The following ZNF107 variants were observed in gnomAD, a reference collection of about 807,000 sequenced individuals.
ZNF107 encodes C2H2 type zinc-finger protein.
In ZNF107, 19 loss-of-function variants were observed where a neutral mutation model predicts 12.3. The observed-to-expected ratio is 1.55, with a 90% CI of 1.08 to 2.27. The LOEUF (loss-of-function observed/expected upper bound fraction) is 2.27. Ranked by LOEUF, ZNF107 falls within the 30% of genes most tolerant of loss-of-function variation. The pLI is 0.00. For synonymous variants in ZNF107, 317 were observed against 330.5 expected (o/e 0.96, Z 0.44); for missense variants, 958 against 979.9 (o/e 0.98, Z 0.30).
At chr7:64,700,102 G>A (rs1311199937) in intron 3 of ZNF107, among the ~76,000 whole-genome samples, 2 of 146,722 alleles carry the variant, frequency 1.4e-5, no homozygotes, top group Non-Finnish European at 3.0e-5. Flanking sequence ...TCTTGCTTTT[G>A]ACTGAAAAGT....
intron 1 of ZNF107, chr7:64,689,572 G>C (rs1257264512): frequency 1.3e-5 from 2 of 152,470 alleles, no homozygotes; most frequent in African/African-American, 2.4e-5. Context: ...TACTGGACTA[G>C]AGTATTTTTT....
chr7:64,699,262 ATTAAATTTTTT>A (rs1485688911), intron 3 of ZNF107, among the ~76,000 whole-genome samples: 1 of 152,208 alleles, frequency 6.6e-6, no homozygotes, highest in East Asian at 1.9e-4. Flanking sequence ...TCTTTTAAAA[ATTAAATTTTTT>A]TACCCTTGAG....
At chr7:64,694,616 C>G (rs979638667) in intron 3 of ZNF107, among the ~76,000 whole-genome samples, 1 of 151,592 alleles carries the variant, frequency 6.6e-6, no homozygotes, top group African/African-American at 2.4e-5. Context: ...GTTCTTCAAC[C>G]TGAATATACC....
intron 3 of ZNF107, among the ~76,000 whole-genome samples, chr7:64,701,801 T>C (rs1245991856): frequency 6.6e-6 from 1 of 151,934 alleles, no homozygotes; most frequent in Non-Finnish European, 1.5e-5. Context: ...TTGTATTTTT[T>C]GTAGAGACAG....
chr7:64,699,816 C>A (rs538356901), intron 3 of ZNF107, among the ~76,000 whole-genome samples: 43 of 152,204 alleles, frequency 2.8e-4, no homozygotes, highest in Admixed American at 1.2e-3. Flanking sequence ...CGCCTGTAAT[C>A]CCAGCACTTT....
chr7:64,697,071 G>A (rs58228036), intron 3 of ZNF107, among the ~76,000 whole-genome samples: 1,613 of 151,168 alleles, frequency 0.011, 34 homozygotes, highest in African/African-American at 0.037. Flanking sequence ...TGCAGTGTTT[G>A]GTTTTTTGTC....
chr7:64,697,722 G>A (rs1029227394), intron 3 of ZNF107, among the ~76,000 whole-genome samples: 5 of 143,972 alleles, frequency 3.5e-5, no homozygotes, highest in African/African-American at 5.2e-5. Context: ...ACGGAGTCTC[G>A]CTTTGTCACC....
At chr7:64,699,633 G>A (rs550223115) in intron 3 of ZNF107, among the ~76,000 whole-genome samples, 1 of 152,236 alleles carries the variant, frequency 6.6e-6, no homozygotes, top group South Asian at 2.1e-4. Flanking sequence ...GCCTCACTAA[G>A]TTGTCCATGC....
intron 1 of ZNF107, among the ~76,000 whole-genome samples, chr7:64,669,973 T>C (rs973905950): frequency 2.0e-5 from 3 of 152,014 alleles, no homozygotes; most frequent in African/African-American, 7.3e-5. Context: ...AAAGGCCCAG[T>C]TAGTTCTTTC....
At chr7:64,686,189 G>A (rs982947262) in intron 1 of ZNF107, among the ~76,000 whole-genome samples, 46 of 152,238 alleles carry the variant, frequency 3.0e-4, no homozygotes, top group African/African-American at 1.0e-3. Context: ...GGACTAGTAC[G>A]AGATGCTGCC....
intron 3 of ZNF107, among the ~76,000 whole-genome samples, chr7:64,698,121 TTTTG>T (rs1450744998): frequency 6.6e-6 from 1 of 152,216 alleles, no homozygotes; most frequent in African/African-American, 2.4e-5. Flanking sequence ...TGTGAGGTGA[TTTTG>T]TTTTTCATTG....
rs1443814502 is a variant in ZNF107, at chr7:64,691,855, A to G, written c.131-10A>G. Reference sequence around the variant, plus strand: ...AGATTCATGTTATATATTTATTTTCAATAAAACAGGTATTGCTGTCTCTAA... The same window carrying G: ...AGATTCATGTTATATATTTATTTTCGATAAAACAGGTATTGCTGTCTCTAA... On this transcript the variant is annotated splice_polypyrimidine_tract_variant and intron_variant, in intron 2 of 3. Coordinates refer to ENST00000620827, the MANE Select transcript of ZNF107 (RefSeq NM_001282359.2). 3 of 1,389,406 alleles carry G rather than the reference A, an allele frequency of 2.2e-6. No homozygotes were observed. The highest frequency in any genetic ancestry group is 2.8e-6 in the Non-Finnish European group (3 of 1,067,074). 86.1% of individuals were successfully genotyped at this position (1,389,406 alleles called of 1,614,324 possible). A position where few individuals can be genotyped will look rare whatever the true frequency, so the allele number is the denominator to read the frequency against.
At chr7:64,702,284 G>A (rs974008520) in intron 3 of ZNF107, among the ~76,000 whole-genome samples, 1 of 151,842 alleles carries the variant, frequency 6.6e-6, no homozygotes, top group Non-Finnish European at 1.5e-5. Flanking sequence ...CAAGTAGCTG[G>A]GATTACAGGC....
At chr7:64,667,489 T>C (rs1185388427) in intron 1 of ZNF107, among the ~76,000 whole-genome samples, 1 of 152,218 alleles carries the variant, frequency 6.6e-6, no homozygotes, top group East Asian at 1.9e-4. Context: ...ATCAGAATGT[T>C]TTTGGGTCAA....
chr7:64,705,325 TTC>T (rs1281867475), intron 3 of ZNF107, among the ~76,000 whole-genome samples: 6 of 152,004 alleles, frequency 3.9e-5, no homozygotes, highest in African/African-American at 1.2e-4. Flanking sequence ...CCTCCACAAT[TTC>T]TGTTTTTTGC....
At chr7:64,669,400 C>A (rs758823805) in intron 1 of ZNF107, among the ~76,000 whole-genome samples, 2 of 152,082 alleles carry the variant, frequency 1.3e-5, no homozygotes, top group Non-Finnish European at 2.9e-5. Context: ...TTGATTACTA[C>A]CTAATTTTTA....
intron 3 of ZNF107, among the ~76,000 whole-genome samples, chr7:64,704,347 G>C (rs1790571671): frequency 6.6e-6 from 1 of 152,092 alleles, no homozygotes. Flanking sequence ...CCAGGTTCAA[G>C]TGATTCTCCT....
rs199826274 is a variant in ZNF107, at chr7:64,691,028, G to A, written c.4-220G>A. 3.9e-5 allele frequency among the ~76,000 whole-genome samples: 6 copies of A among 152,032 alleles called. No individual in the cohort carries two copies. The East Asian group carries it at 7.7e-4, about 20-fold the overall frequency. On this transcript the variant is annotated intron_variant, in intron 1 of 3. Coordinates refer to ENST00000620827, the MANE Select transcript of ZNF107 (RefSeq NM_001282359.2). ...GCTGGGATTACAGGCGTGAGCCACC[G>A]CGCTCGGCCTAATTTTTGTATTTTT... is the stretch of plus-strand genomic sequence containing the variant.
intron 1 of ZNF107, among the ~76,000 whole-genome samples, chr7:64,680,017 G>A (rs970025174): frequency 4.0e-5 from 6 of 151,842 alleles, no homozygotes; most frequent in East Asian, 1.9e-4. Context: ...CTCCCTGCCC[G>A]TCCGACTCCG....
Sources: gnomAD v4.1 joint callset for allele counts (sites outside exome capture counted in the v4.1 genomes callset) on GRCh38, gnomAD v4.1.1 for gene constraint, MANE v1.5 for transcripts, NCBI Gene and HGNC (gene_info 2026-07-23, HGNC 2026-07-21) for gene names.